The following DCPH1 variants were observed in gnomAD, a reference collection of about 807,000 sequenced individuals.
The protein encoded by DCPH1 is damage-control phosphatase 1.
At chr6:151,453,492 A>G in the DCPH1 span, among the ~76,000 whole-genome samples, 1 of 152,228 alleles carries the variant, frequency 6.6e-6, no homozygotes, top group African/African-American at 2.4e-5. Flanking sequence ...TTAAATTCTG[A>G]TCAACGTAGT....
chr6:151,456,942 T>C, the DCPH1 span, among the ~76,000 whole-genome samples: 1 of 152,220 alleles, frequency 6.6e-6, no homozygotes, highest in African/African-American at 2.4e-5. Flanking sequence ...AGGCAGAGTT[T>C]ATTGTCTCTC....
chr6:151,468,444 C>G, the DCPH1 span: 1 of 1,612,058 alleles, frequency 6.2e-7, no homozygotes, highest in Non-Finnish European at 8.5e-7. Context: ...TAAAACCTTT[C>G]ATTTTATTGA....
chr6:151,466,765 A>C, the DCPH1 span, among the ~76,000 whole-genome samples: 3 of 152,204 alleles, frequency 2.0e-5, no homozygotes, highest in African/African-American at 7.2e-5. Context: ...CTATGCCATT[A>C]CAAACTGGAA....
At chr6:151,463,875 C>T in the DCPH1 span, among the ~76,000 whole-genome samples, 1 of 152,114 alleles carries the variant, frequency 6.6e-6, no homozygotes, top group Non-Finnish European at 1.5e-5. Context: ...AAGGTGTAGC[C>T]ATGCCACATA....
the DCPH1 span, among the ~76,000 whole-genome samples, chr6:151,453,933 G>T: frequency 6.6e-6 from 1 of 152,112 alleles, no homozygotes; most frequent in Non-Finnish European, 1.5e-5. Flanking sequence ...TTTTGAGTGG[G>T]AAGAGACAGT....
At chr6:151,452,641 G>A in the DCPH1 span, 3 of 1,565,740 alleles carry the variant, frequency 1.9e-6, no homozygotes, top group Admixed American at 1.9e-5. Context: ...CTCGCCGGGA[G>A]CCTGTGGGGA....
the DCPH1 span, among the ~76,000 whole-genome samples, chr6:151,461,897 C>A: frequency 1.3e-5 from 2 of 152,100 alleles, no homozygotes; most frequent in African/African-American, 2.4e-5. Flanking sequence ...CTTCCCAAAG[C>A]GGTTTCTGTG....
At chr6:151,457,585 A>G in the DCPH1 span, among the ~76,000 whole-genome samples, 1 of 152,184 alleles carries the variant, frequency 6.6e-6, no homozygotes, top group African/African-American at 2.4e-5. Flanking sequence ...GCAGCAAAAT[A>G]AATTGTACTT....
At chr6:151,458,333 C>A in the DCPH1 span, 1 of 1,609,676 alleles carries the variant, frequency 6.2e-7, no homozygotes, top group Non-Finnish European at 8.5e-7. Flanking sequence ...TGCAGGAAGG[C>A]GTGGAAGCTG....
chr6:151,468,476 C>A, the DCPH1 span: 1 of 1,613,586 alleles, frequency 6.2e-7, no homozygotes, highest in South Asian at 1.1e-5. Flanking sequence ...CATCTTTGGT[C>A]ATTGCTTAGC....
chr6:151,463,847 C>G, the DCPH1 span, among the ~76,000 whole-genome samples: 1 of 152,130 alleles, frequency 6.6e-6, no homozygotes, highest in South Asian at 2.1e-4. Flanking sequence ...ATGATTTAAT[C>G]TCTCACTGGA....
the DCPH1 span, among the ~76,000 whole-genome samples, chr6:151,465,699 A>C: frequency 3.7e-4 from 57 of 152,246 alleles, no homozygotes; most frequent in African/African-American, 1.3e-3. Flanking sequence ...TGAAGGTGGA[A>C]ATGGGGAGAG....
chr6:151,452,576 C>G, the DCPH1 span: 1 of 1,611,388 alleles, frequency 6.2e-7, no homozygotes, highest in Non-Finnish European at 8.5e-7. Flanking sequence ...TCTCTCAGGA[C>G]AGGACGTGGG....
the DCPH1 span, among the ~76,000 whole-genome samples, chr6:151,460,361 C>G: frequency 1.3e-5 from 2 of 151,938 alleles, no homozygotes; most frequent in Non-Finnish European, 1.5e-5. Flanking sequence ...CCTCGTCCTC[C>G]CAAAGTGCTG....
chr6:151,468,668 A>C, the DCPH1 span: 1 of 1,613,998 alleles, frequency 6.2e-7, no homozygotes, highest in South Asian at 1.1e-5. Context: ...ACTACTATAC[A>C]TGATTTTAAT....
chr6:151,457,190 C>T, the DCPH1 span, among the ~76,000 whole-genome samples: 69,297 of 152,036 alleles, frequency 0.46, 17,298 homozygotes, highest in African/African-American at 0.67. Flanking sequence ...AGCGGTCAAA[C>T]GTCCGTGCCC....
the DCPH1 span, chr6:151,458,461 A>G: frequency 5.0e-6 from 8 of 1,613,470 alleles, no homozygotes; most frequent in Non-Finnish European, 5.9e-6. Context: ...TACCTAGAAT[A>G]TCAACAGAGT....
chr6:151,469,374 T>C, the DCPH1 span: 1 of 344,264 alleles, frequency 2.9e-6, no homozygotes, highest in South Asian at 9.7e-5. Flanking sequence ...AGGTTAAATA[T>C]ATAATTTCAA....
At chr6:151,453,906 C>A in the DCPH1 span, among the ~76,000 whole-genome samples, 1 of 152,266 alleles carries the variant, frequency 6.6e-6, no homozygotes, top group South Asian at 2.1e-4. Flanking sequence ...TTGAACACTT[C>A]TATAAAATCT....
Sources: allele counts gnomAD v4.1 joint callset (sites outside exome capture counted in the v4.1 genomes callset), GRCh38; gene constraint gnomAD v4.1.1; transcripts MANE v1.5; gene names NCBI Gene and HGNC (gene_info 2026-07-23, HGNC 2026-07-21).